The following PPP4R3B variants were observed in gnomAD, a reference collection of about 807,000 sequenced individuals.
PPP4R3B encodes the protein serine/threonine-protein phosphatase 4 regulatory subunit 3B.
PPP4R3B carries 52 observed loss-of-function variants against 95.4 expected under a neutral mutation model. That is an observed-to-expected ratio of 0.54 (90% CI 0.44 to 0.69). The LOEUF is 0.69. Ranked by LOEUF, PPP4R3B falls within the 30% of genes least tolerant of loss-of-function variation. The probability of loss-of-function intolerance (pLI) is 0.00; values close to 1 mark genes in which losing one functional copy is unlikely to be tolerated. For synonymous variants in PPP4R3B, 407 were observed against 343.9 expected, an observed-to-expected ratio of 1.18 and a Z score of -2.03; for missense variants, 1,003 against 1,005.9, an observed-to-expected ratio of 1.00 and a Z score of 0.04.
intron 3 of PPP4R3B, 138 bp downstream of exon 3, chr2:55,603,840 A>G (rs1693009488): frequency 5.7e-6 from 3 of 525,352 alleles, no homozygotes; most frequent in Non-Finnish European, 9.8e-6. Flanking sequence ...CGTAGAATAT[A>G]AAAAATTTCA....
At chr2:55,602,540 C>G (rs985253680) in intron 3 of PPP4R3B, among the ~76,000 whole-genome samples, 8 of 152,204 alleles carry the variant, frequency 5.3e-5, no homozygotes, top group African/African-American at 1.7e-4. Context: ...TCTGGAGGTG[C>G]TGGAATAAGG....
rs566612659 is a variant in PPP4R3B at position 55,581,850 on chromosome 2, T to C, written c.1234-152A>G. The C allele has an allele frequency of 8.1e-6, 6 of 737,546 alleles. No homozygotes were observed. In the South Asian group the frequency reaches 9.4e-5, roughly 12 times the overall value. The allele number at this position is 737,546 out of a possible 1,614,324, so 45.7% of individuals were successfully genotyped here. A position where few individuals can be genotyped will look rare whatever the true frequency, so the allele number is the denominator to read the frequency against. On this transcript the variant is annotated intron_variant, in intron 7 of 16. Transcript: ENST00000616407. ...ATTTAAACCTCTATTCCTAATGCTT[T>C]TGAAAGTTCTATAAAATACTACACA... is the stretch of plus-strand genomic sequence containing the variant.
chr2:55,597,943 C>T (rs75138108), intron 4 of PPP4R3B, among the ~76,000 whole-genome samples: 3,529 of 152,244 alleles, frequency 0.023, 69 homozygotes, highest in South Asian at 0.094. Context: ...CTGGGCTGGG[C>T]GCGGTGGCTC....
rs868035917 is a variant in PPP4R3B at position 55,563,531 on chromosome 2, C to T, written c.2260+782G>A. On this transcript the variant is annotated intron_variant, in intron 15 of 16. Transcript: ENST00000616407. ...GGGACTCCAGGTAAGTGCCACTGTG[C>T]CCATTTAATTTTTGTGTTTTTTTGT... Among the ~76,000 whole-genome samples, 4 of 152,196 alleles carry T rather than the reference C, an allele frequency of 2.6e-5. No homozygotes were observed. In the South Asian group the frequency reaches 8.3e-4, roughly 32 times the overall value.
At chr2:55,610,883 T>TC in intron 2 of PPP4R3B, among the ~76,000 whole-genome samples, 1 of 151,852 alleles carries the variant, frequency 6.6e-6, no homozygotes. Flanking sequence ...TTTTTTTTTT[T>TC]TTGAGAGAGT....
chr2:55,574,054 AT>A (rs527711817), intron 11 of PPP4R3B, among the ~76,000 whole-genome samples: 5 of 148,286 alleles, frequency 3.4e-5, no homozygotes, highest in Admixed American at 2.7e-4. Context: ...ATGCTAGCTA[AT>A]TTTTTTTTTC....
chr2:55,611,766 T>A (rs1694195323), intron 2 of PPP4R3B, among the ~76,000 whole-genome samples: 1 of 152,170 alleles, frequency 6.6e-6, no homozygotes, highest in Admixed American at 6.5e-5. Flanking sequence ...AATCGCTTTG[T>A]CTCTCCACCT....
In PPP4R3B at chr2:55,558,897, G is replaced by A; in HGVS notation, c.2332C>T (p.His778Tyr). ...SPGGFKFTFS[H>Y]SASAANGTNS... ...GTTCCATTAGCAGCACTGGCAGAGT[G>A]GGAGAAAGTAAATTTGAAGCCACCA... The change falls in exon 16 of 17, where the codon CAC becomes TAC. Residue 778 changes from histidine (H) to tyrosine (Y), a missense_variant. Coordinates refer to ENST00000616407, the MANE Select transcript of PPP4R3B (RefSeq NM_001122964.3). The A allele has an allele frequency of 6.2e-7, 1 of 1,614,040 alleles. No individual in the cohort carries two copies. The highest frequency in any genetic ancestry group is 8.5e-7 in the Non-Finnish European group (1 of 1,179,964).
chr2:55,599,121 C>A, intron 3 of PPP4R3B, 82 bp from the exon 4 acceptor site: 1 of 1,257,956 alleles, frequency 7.9e-7, no homozygotes, highest in Non-Finnish European at 1.1e-6. Context: ...TTTGGAAATG[C>A]CTGGCTAGTC....
chr2:55,564,849 A>G lies in PPP4R3B; in HGVS notation c.2075+53T>C, dbSNP rs1487806391. 7 of 1,574,166 alleles carry G rather than the reference A, an allele frequency of 4.4e-6. No individual in the cohort carries two copies. The Admixed American group carries it at 1.5e-4, about 33-fold the overall frequency. ...TTCACATGGAAAATCTGAACTACAA[A>G]CAATTTTGGACACAGTTTTGTAGGC... On this transcript the variant is annotated intron_variant, in intron 14 of 16. Transcript: ENST00000616407.
intron 15 of PPP4R3B, among the ~76,000 whole-genome samples, chr2:55,561,914 T>C (rs188979021): frequency 2.0e-5 from 3 of 152,272 alleles, no homozygotes; most frequent in Non-Finnish European, 2.9e-5. Context: ...TGGGGGACTG[T>C]TGGGAAGGCA....
intron 4 of PPP4R3B, among the ~76,000 whole-genome samples, chr2:55,594,814 T>C (rs1691538210): frequency 6.6e-6 from 1 of 152,148 alleles, no homozygotes; most frequent in Non-Finnish European, 1.5e-5. Context: ...GAACCTGATA[T>C]GTACATCTAA....
intron 11 of PPP4R3B, among the ~76,000 whole-genome samples, 188 bp from the exon 12 acceptor site, chr2:55,573,965 T>A (rs2104088618): frequency 6.8e-6 from 1 of 146,474 alleles, no homozygotes; most frequent in South Asian, 2.1e-4. Flanking sequence ...CATGGCACAT[T>A]GCAGCTTCCA....
chr2:55,554,643 C>T (rs1685612887), intron 16 of PPP4R3B, among the ~76,000 whole-genome samples: 1 of 152,114 alleles, frequency 6.6e-6, no homozygotes, highest in Admixed American at 6.5e-5. Context: ...TTCTGGATAC[C>T]AGTTACTTAT....
intron 15 of PPP4R3B, 94 bp downstream of exon 15, chr2:55,564,219 C>A: frequency 1.7e-6 from 2 of 1,163,426 alleles, no homozygotes; most frequent in Admixed American, 3.5e-5. Context: ...GTCTTTCTTG[C>A]TTTGTAAACT....
intron 3 of PPP4R3B, among the ~76,000 whole-genome samples, chr2:55,599,524 A>G (rs1692261381): frequency 6.6e-6 from 1 of 152,222 alleles, no homozygotes; most frequent in South Asian, 2.1e-4. Context: ...GACTCTCATG[A>G]GTAGGGCCCC....
At chr2:55,581,816 G>T in intron 7 of PPP4R3B, 118 bp from the exon 8 acceptor site, 1 of 1,060,408 alleles carries the variant, frequency 9.4e-7, no homozygotes, top group Admixed American at 3.1e-5. Context: ...ACGAAGAATG[G>T]AATAGCTTAT....
intron 12 of PPP4R3B, among the ~76,000 whole-genome samples, chr2:55,571,958 G>A (rs1251795691): frequency 6.6e-6 from 1 of 152,158 alleles, no homozygotes; most frequent in Non-Finnish European, 1.5e-5. Flanking sequence ...TTAAATGACT[G>A]TCCAGAAATA....
intron 2 of PPP4R3B, among the ~76,000 whole-genome samples, chr2:55,610,958 T>C (rs1559057622): frequency 6.7e-6 from 1 of 149,918 alleles, no homozygotes; most frequent in Non-Finnish European, 1.5e-5. Flanking sequence ...ACTGACCTCC[T>C]GGGCTCAAGC....
Sources: allele counts gnomAD v4.1 joint callset (sites outside exome capture counted in the v4.1 genomes callset), GRCh38; gene constraint gnomAD v4.1.1; transcripts MANE v1.5; gene names NCBI Gene and HGNC (gene_info 2026-07-23, HGNC 2026-07-21).